The following GPI variants were observed in gnomAD, a reference collection of about 807,000 sequenced individuals.
The protein encoded by GPI is glucose-6-phosphate isomerase, also known as D-hexose-6-phosphate anomerase.
In GPI, 56 loss-of-function variants were observed where a neutral mutation model predicts 75.8. The observed-to-expected ratio is 0.74, with a 90% CI of 0.60 to 0.92. GPI has a LOEUF of 0.92. Ranked by LOEUF, GPI falls within the 40% of genes least tolerant of loss-of-function variation. GPI has a pLI of 0.00. For synonymous variants in GPI, 288 were observed against 285.4 expected (o/e 1.01, Z -0.09); for missense variants, 638 against 741.0 (o/e 0.86, Z 1.61).
At position 34,393,866 on chromosome 19, in the gene GPI, C is replaced by T. The variant is rs2074904196; in HGVS notation, c.910-48C>T. On this transcript the variant is annotated intron_variant, in intron 11 of 17. Transcript: ENST00000356487. This position sits in a 1 kb window ranked among gnomAD's most constrained non-coding sequence, Gnocchi z 4.4. ...TTCTCCCCCACTGTCCTGTCCCTCC[C>T]CTCCCCGTGCAGCTGCTCAGCTCCC... The T allele has an allele frequency of 6.2e-7, 1 of 1,609,896 alleles. No individual in the cohort carries two copies. Among genetic ancestry groups the T allele is most frequent in the Non-Finnish European group, 8.5e-7 (1 of 1,177,058 alleles).
rs2074378861 is a variant in GPI at position 34,367,100 on chromosome 19, G to T, written c.282+249G>T. On this transcript the variant is annotated intron_variant, in intron 3 of 17. Coordinates refer to ENST00000356487, the MANE Select transcript of GPI (RefSeq NM_000175.5). ...GGGAGGAGCATATCTCATACCCACA[G>T]GGAGAGTTTCTCAAGGCTGACATTT... The T allele has an allele frequency of 4.7e-6, 3 of 645,044 alleles. No homozygotes were observed. The East Asian group carries it at 8.5e-5, about 18-fold the overall frequency. 40.0% of individuals were successfully genotyped at this position (645,044 alleles called of 1,614,324 possible).
At chr19:34,395,136 A>G (rs1302159630) in intron 12 of GPI, among the ~76,000 whole-genome samples, 2 of 152,178 alleles carry the variant, frequency 1.3e-5, no homozygotes, top group Non-Finnish European at 2.9e-5. Flanking sequence ...GGAGAGGCCA[A>G]GGTTCCCCAA....
intron 8 of GPI, among the ~76,000 whole-genome samples, chr19:34,380,162 A>G (rs2074626953): frequency 6.7e-6 from 1 of 149,244 alleles, no homozygotes; most frequent in Admixed American, 6.7e-5. Flanking sequence ...ATGCCCAGCT[A>G]TTTTCGTATT....
At chr19:34,365,133 GGGGCCGGGCC>G (rs36206349), upstream of GPI, 18 of 1,251,350 alleles carry the variant, frequency 1.4e-5, no homozygotes, top group Admixed American at 1.7e-4. Context: ...GCTCAGGGGT[GGGGCCGGGCC>G]GGGCCGGGCC....
rs565987146 is a variant in GPI at position 34,396,800 on chromosome 19, A to G, written c.1269+143A>G. The G allele has an allele frequency of 4.5e-4, 325 of 728,558 alleles. 2 individuals carry two copies. The East Asian group carries it at 7.4e-3, about 17-fold the overall frequency. The allele number at this position is 728,558 out of a possible 1,614,324, so 45.1% of individuals were successfully genotyped here. On this transcript the variant is annotated intron_variant, in intron 14 of 17. Transcript: ENST00000356487. Reference sequence around the variant, plus strand: ...GATAACAAACATGGAGGCTTAAAACAACACTCTTCTTTTGTGGGGTGGGGA... The same window carrying G: ...GATAACAAACATGGAGGCTTAAAACGACACTCTTCTTTTGTGGGGTGGGGA...
At chr19:34,366,551 G>A in intron 2 of GPI, 116 bp downstream of exon 2, 1 of 812,788 alleles carries the variant, frequency 1.2e-6, no homozygotes, top group Non-Finnish European at 2.2e-6. Flanking sequence ...TTAGACCTCA[G>A]TCACCTCCTC....
chr19:34,381,306 C>G, intron 8 of GPI, 160 bp from the exon 9 acceptor site: 1 of 710,126 alleles, frequency 1.4e-6, no homozygotes, highest in South Asian at 1.5e-5. Context: ...CTGGGCCCTG[C>G]CCTCGACTCA....
chr19:34,361,247 C>T (rs61478662), upstream of GPI, among the ~76,000 whole-genome samples: 1 of 152,048 alleles, frequency 6.6e-6, no homozygotes, highest in Non-Finnish European at 1.5e-5. Flanking sequence ...CCCGCCACCA[C>T]GTCCAGCTAA....
intron 4 of GPI, 56 bp from the exon 5 acceptor site, chr19:34,377,447 G>C: frequency 7.8e-7 from 1 of 1,274,234 alleles, no homozygotes; most frequent in Non-Finnish European, 1.1e-6. Flanking sequence ...TGATGTTTTT[G>C]AGCAGCGGAT....
intron 3 of GPI, chr19:34,367,067 G>A: frequency 1.4e-6 from 1 of 692,804 alleles, no homozygotes; most frequent in Non-Finnish European, 2.6e-6. Context: ...GGTTCCCAGT[G>A]TCTGCCTGGG....
At chr19:34,383,898 G>C (rs1013823316) in intron 9 of GPI, among the ~76,000 whole-genome samples, 2 of 152,190 alleles carry the variant, frequency 1.3e-5, no homozygotes, top group Middle Eastern at 3.2e-3. Flanking sequence ...CCAGGGATCT[G>C]TCATGTGTGA....
chr19:34,383,505 G>T (rs966751709), intron 9 of GPI, among the ~76,000 whole-genome samples: 1 of 152,200 alleles, frequency 6.6e-6, no homozygotes, highest in African/African-American at 2.4e-5. Context: ...GATTGCACAA[G>T]TTTAGAACCC....
At chr19:34,383,103 G>A (rs1336312782) in intron 9 of GPI, among the ~76,000 whole-genome samples, 3 of 152,156 alleles carry the variant, frequency 2.0e-5, no homozygotes, top group Non-Finnish European at 4.4e-5. Context: ...GTAATTCTTG[G>A]TCCGCCAGGG....
At chr19:34,361,313 C>T (rs1299561254), upstream of GPI, among the ~76,000 whole-genome samples, 1 of 151,872 alleles carries the variant, frequency 6.6e-6, no homozygotes, top group East Asian at 1.9e-4. Flanking sequence ...AGGCTGGTCT[C>T]GAACTCCTGA....
At chr19:34,374,405 T>C (rs966479423) in intron 4 of GPI, among the ~76,000 whole-genome samples, 7 of 152,142 alleles carry the variant, frequency 4.6e-5, no homozygotes, top group Admixed American at 3.9e-4. Context: ...TCTTAGAAGG[T>C]GGGGGACTAT....
chr19:34,390,773 G>A (rs1015424306), intron 9 of GPI, among the ~76,000 whole-genome samples: 2 of 151,490 alleles, frequency 1.3e-5, no homozygotes, highest in Non-Finnish European at 2.9e-5. Context: ...ATGAGGATAT[G>A]GGTCTTCCAT....
chr19:34,368,140 C>T (rs1051611749), intron 3 of GPI, among the ~76,000 whole-genome samples: 6 of 152,164 alleles, frequency 3.9e-5, no homozygotes, highest in African/African-American at 1.2e-4. Flanking sequence ...AGGCTGGTCT[C>T]GAATTCATGA....
intron 8 of GPI, chr19:34,381,172 G>A (rs2074644970): frequency 2.0e-6 from 1 of 495,408 alleles, no homozygotes; most frequent in East Asian, 3.8e-5. Flanking sequence ...CTGTTGCAGA[G>A]CAGTGTGTGG....
intron 8 of GPI, chr19:34,379,821 T>TA (rs1372681623): frequency 1.7e-6 from 1 of 603,494 alleles, no homozygotes; most frequent in Non-Finnish European, 3.0e-6. Context: ...GCCTGACTGA[T>TA]ACACAGAACC....
Sources: gnomAD v4.1 joint callset for allele counts (sites outside exome capture counted in the v4.1 genomes callset) on GRCh38, gnomAD v4.1.1 for gene constraint, Gnocchi (gnomAD v3.1) non-coding constraint, MANE v1.5 for transcripts, NCBI Gene and HGNC (gene_info 2026-07-23, HGNC 2026-07-21) for gene names.